Variants in PPARGC1A observed in about 807,000 individuals in gnomAD.
PPARGC1A encodes peroxisome proliferator-activated receptor gamma coactivator 1-alpha.
PPARGC1A carries 25 observed loss-of-function variants against 88.7 expected under a neutral mutation model. The observed-to-expected ratio is 0.28, with a 90% CI of 0.21 to 0.39. PPARGC1A has a LOEUF of 0.39. Ranked by LOEUF, PPARGC1A falls within the 10% of genes least tolerant of loss-of-function variation. The probability of loss-of-function intolerance (pLI) is 1.00; values close to 1 mark genes in which losing one functional copy is unlikely to be tolerated. For synonymous variants in PPARGC1A, 363 were observed against 355.6 expected (o/e 1.02, Z -0.24); for missense variants, 880 against 968.7 (o/e 0.91, Z 1.22).
At chr4:23,844,769 T>TATATGATATATATTATTATA (rs1481893107) in intron 2 of PPARGC1A, among the ~76,000 whole-genome samples, 1 of 112,208 alleles carries the variant, frequency 8.9e-6, no homozygotes, top group Non-Finnish European at 1.8e-5. Flanking sequence ...ATTATAATAA[T>TATATGATATATATTATTATA]ATATGATATA....
the PPARGC1A span, among the ~76,000 whole-genome samples, chr4:23,986,868 CA>C: frequency 2.5e-4 from 38 of 152,124 alleles, 1 homozygote; most frequent in South Asian, 7.9e-3. Flanking sequence ...GAATTACAAA[CA>C]AATCCACAAA....
the PPARGC1A span, among the ~76,000 whole-genome samples, chr4:24,175,093 A>G: frequency 2.6e-5 from 4 of 152,204 alleles, no homozygotes; most frequent in African/African-American, 9.7e-5. Flanking sequence ...CTCGCGATAT[A>G]TATCATTAGT....
chr4:24,128,936 C>G, the PPARGC1A span, among the ~76,000 whole-genome samples: 1 of 152,150 alleles, frequency 6.6e-6, no homozygotes, highest in Admixed American at 6.5e-5. Context: ...AACAAAACAC[C>G]CTTCACTCTC....
At chr4:24,128,980 A>T in the PPARGC1A span, among the ~76,000 whole-genome samples, 1 of 152,238 alleles carries the variant, frequency 6.6e-6, no homozygotes, top group Non-Finnish European at 1.5e-5. Context: ...CTTCACCGGG[A>T]AGAGCAGAAT....
the PPARGC1A span, among the ~76,000 whole-genome samples, chr4:24,079,037 C>A: frequency 6.6e-6 from 1 of 152,052 alleles, no homozygotes; most frequent in East Asian, 1.9e-4. Flanking sequence ...TAACCATTAA[C>A]CTATCATTGG....
the PPARGC1A span, among the ~76,000 whole-genome samples, chr4:24,339,042 C>T: frequency 6.6e-6 from 1 of 151,888 alleles, no homozygotes; most frequent in East Asian, 1.9e-4. Flanking sequence ...AAATAAATTG[C>T]TATCCCTCCC....
chr4:24,179,841 G>T, the PPARGC1A span, among the ~76,000 whole-genome samples: 34 of 152,138 alleles, frequency 2.2e-4, no homozygotes, highest in Admixed American at 9.2e-4. Flanking sequence ...AGAAAAACAA[G>T]AATTATTTTA....
chr4:23,983,570 G>A, the PPARGC1A span, among the ~76,000 whole-genome samples: 2 of 152,072 alleles, frequency 1.3e-5, no homozygotes, highest in Non-Finnish European at 2.9e-5. Context: ...AATATGTAAA[G>A]TTTGAAATGT....
the PPARGC1A span, among the ~76,000 whole-genome samples, chr4:24,443,919 G>A: frequency 1.3e-5 from 2 of 152,116 alleles, no homozygotes; most frequent in Non-Finnish European, 2.9e-5. Flanking sequence ...TTTGTTTTCA[G>A]GTGGTTCAAT....
upstream of PPARGC1A, among the ~76,000 whole-genome samples, chr4:23,901,682 A>C (rs111730190): frequency 0.027 from 4,075 of 152,326 alleles, 82 homozygotes; most frequent in Non-Finnish European, 0.043. Flanking sequence ...TGATATCTGA[A>C]ATACACACAG....
At chr4:24,208,571 T>C in the PPARGC1A span, among the ~76,000 whole-genome samples, 1 of 151,064 alleles carries the variant, frequency 6.6e-6, no homozygotes, top group Non-Finnish European at 1.5e-5. Flanking sequence ...AATTACTGAG[T>C]ACCCATTATA....
the PPARGC1A span, among the ~76,000 whole-genome samples, chr4:24,215,021 GA>G: frequency 7.2e-5 from 11 of 152,028 alleles, no homozygotes; most frequent in African/African-American, 2.7e-4. Flanking sequence ...AGGTCCAGCA[GA>G]AAAAAAGAAT....
intron 7 of PPARGC1A, among the ~76,000 whole-genome samples, chr4:23,817,431 C>T (rs1027164056): frequency 6.6e-6 from 1 of 152,060 alleles, no homozygotes; most frequent in Non-Finnish European, 1.5e-5. Flanking sequence ...GATATGACAC[C>T]AGATACTGCT....
chr4:24,365,725 T>C, the PPARGC1A span, among the ~76,000 whole-genome samples: 1 of 152,236 alleles, frequency 6.6e-6, no homozygotes, highest in African/African-American at 2.4e-5. Context: ...TTCTATTTTT[T>C]CATAAGTAAA....
At chr4:23,802,703 C>T (rs960161973) in intron 10 of PPARGC1A, among the ~76,000 whole-genome samples, 3 of 132,202 alleles carry the variant, frequency 2.3e-5, no homozygotes, top group African/African-American at 8.5e-5. Context: ...AAAAAAAAAG[C>T]TAACCCTCTA....
chr4:24,094,368 G>A, the PPARGC1A span, among the ~76,000 whole-genome samples: 2 of 152,160 alleles, frequency 1.3e-5, no homozygotes, highest in South Asian at 4.1e-4. Context: ...GGGTAGTCCT[G>A]CAATATTATT....
At chr4:23,928,767 AAACAAAAAAAAAC>A in the PPARGC1A span, among the ~76,000 whole-genome samples, 3 of 13,708 alleles carry the variant, frequency 2.2e-4, no homozygotes, top group Non-Finnish European at 4.6e-4. Context: ...AAAACAAAAA[AAACAAAAAAAAAC>A]AACAAAAAAA....
chr4:24,370,669 A>G, the PPARGC1A span, among the ~76,000 whole-genome samples: 1 of 150,656 alleles, frequency 6.6e-6, no homozygotes, highest in Non-Finnish European at 1.5e-5. Flanking sequence ...TAAACAGATC[A>G]GCCAGAGAGC....
the PPARGC1A span, among the ~76,000 whole-genome samples, chr4:24,123,957 G>A: frequency 6.7e-6 from 1 of 149,050 alleles, no homozygotes; most frequent in East Asian, 2.0e-4. Context: ...AATCAAATTT[G>A]CATGTTAAAA....
Sources: allele counts gnomAD v4.1 joint callset (sites outside exome capture counted in the v4.1 genomes callset), GRCh38; gene constraint gnomAD v4.1.1; transcripts MANE v1.5; gene names NCBI Gene and HGNC (gene_info 2026-07-23, HGNC 2026-07-21).